The following DLGAP3 variants were observed in gnomAD, a reference collection of about 807,000 sequenced individuals.
DLGAP3 encodes disks large-associated protein 3.
Under a neutral mutation model 81.2 loss-of-function variants are expected in DLGAP3, and 17 were observed. The ratio of observed to expected loss-of-function variants is 0.21; its 90% confidence interval spans 0.14 to 0.31. DLGAP3 has a LOEUF of 0.31. Among genes scored for constraint, DLGAP3 ranks in the 10% least tolerant of loss-of-function variants. The pLI, the probability that DLGAP3 is intolerant of heterozygous loss-of-function variation, is 1.00. For missense variants in DLGAP3, 1,124 were observed against 1,388.0 expected (o/e 0.81, Z 3.02); for synonymous variants, 577 against 587.4 (o/e 0.98, Z 0.26).
intron 5 of DLGAP3, among the ~76,000 whole-genome samples, chr1:34,887,024 G>A (rs1039023981): frequency 3.6e-5 from 5 of 136,998 alleles, no homozygotes; most frequent in Middle Eastern, 4.1e-3. Flanking sequence ...GCGCGATCTC[G>A]GCTCACTGCA....
At chr1:34,905,556 C>G in intron 2 of DLGAP3, 122 bp from the exon 3 acceptor site, 2 of 719,856 alleles carry the variant, frequency 2.8e-6, no homozygotes, top group South Asian at 4.3e-5. Flanking sequence ...ATTAATCACA[C>G]TACCCTCCCA....
chr1:34,882,441 G>A (rs1557465849), intron 8 of DLGAP3, among the ~76,000 whole-genome samples: 1 of 152,078 alleles, frequency 6.6e-6, no homozygotes, highest in Non-Finnish European at 1.5e-5. Flanking sequence ...TCATGCCACT[G>A]CACTCCAGCC....
chr1:34,892,529 G>A (rs1639327622), intron 5 of DLGAP3, among the ~76,000 whole-genome samples: 1 of 151,954 alleles, frequency 6.6e-6, no homozygotes, highest in Admixed American at 6.6e-5. Context: ...TAGAGATGAG[G>A]TCTCACTATG....
intron 1 of DLGAP3, among the ~76,000 whole-genome samples, chr1:34,922,496 C>A (rs1250985669): frequency 6.6e-6 from 1 of 152,128 alleles, no homozygotes; most frequent in Non-Finnish European, 1.5e-5. Flanking sequence ...TGCTTACACT[C>A]ACACAAAGGC....
Position 34,904,552 on chromosome 1 carries a change from T to A in DLGAP3, c.832A>T (p.Arg278Trp). The change falls in exon 3 of 12, where the codon AGG becomes TGG. Residue 278 changes from arginine to tryptophan, a missense_variant. By Grantham distance (101) the Arg-to-Trp change is moderately radical. This residue lies in a region of DLGAP3 where 357 missense variants were observed against 408.8 expected (regional missense o/e 0.87). Transcript: ENST00000373347. The surrounding 1 kb of genome is among the most constrained non-coding windows in gnomAD (Gnocchi z 8.1). Reference sequence around the variant, plus strand: ...GGACCACCAGGCTCCCCAGGGGGCCTCCCACCCGCCAGGAAGCCGCTATCA... The same window carrying A: ...GGACCACCAGGCTCCCCAGGGGGCCACCCACCCGCCAGGAAGCCGCTATCA... ...DSDSGFLAGGRPPGEPGGPFC... is the reference protein window; with the variant it reads ...DSDSGFLAGGWPPGEPGGPFC... The A allele has an allele frequency of 6.2e-7, 1 of 1,614,008 alleles. No individual in the cohort carries two copies. The highest frequency in any genetic ancestry group is 8.5e-7 in the Non-Finnish European group (1 of 1,179,936).
intron 1 of DLGAP3, among the ~76,000 whole-genome samples, chr1:34,918,464 G>A (rs1206145510): frequency 6.6e-6 from 1 of 152,192 alleles, no homozygotes; most frequent in Non-Finnish European, 1.5e-5. Context: ...GATGGCAGGG[G>A]AGGACCCCTC....
rs958503993 is a variant in DLGAP3, at chr1:34,929,164, G to C, written c.-135+287C>G. On this transcript the variant is annotated intron_variant, in intron 1 of 11. Transcript: ENST00000373347. This position sits in a 1 kb window ranked among gnomAD's most constrained non-coding sequence, Gnocchi z 6.5. Reference sequence around the variant, plus strand: ...CCCAGACCCGAGCCTCCAGCCGGGCGAGGGCTGGGCCGGGGCTGGCCTGTC... The same window carrying C: ...CCCAGACCCGAGCCTCCAGCCGGGCCAGGGCTGGGCCGGGGCTGGCCTGTC... Among the ~76,000 whole-genome samples the C allele has an allele frequency of 4.0e-5, 6 of 151,884 alleles. No individual in the cohort carries two copies. The highest frequency in any genetic ancestry group is 2.0e-4 in the Admixed American group (3 of 15,272).
rs566192501 is a variant in DLGAP3 at position 34,885,222 on chromosome 1, C to T, written c.1915-159G>A. Among the ~76,000 whole-genome samples the T allele has an allele frequency of 1.2e-4, 18 of 152,304 alleles. 1 individual carries two copies. Among genetic ancestry groups the T allele is most frequent in the Admixed American group, 5.2e-4 (8 of 15,298 alleles). On this transcript the variant is annotated intron_variant, in intron 7 of 11. Transcript: ENST00000373347. ...AGAGACCCAGGCGGTCGGTCACAGG[C>T]CTCAAAGTGGCAACCACTGGGCACA... is the stretch of plus-strand genomic sequence containing the variant.
chr1:34,912,458 C>A (rs1160754678), intron 1 of DLGAP3, among the ~76,000 whole-genome samples: 1 of 152,188 alleles, frequency 6.6e-6, no homozygotes, highest in Admixed American at 6.5e-5. Context: ...ACTCCTTCCC[C>A]AGGAAGTTGT....
chr1:34,905,326 G>T lies in DLGAP3; in HGVS notation c.58C>A (p.Gln20Lys). ...GCAGGGCCCACGTCCATATGCTGTT[G>T]GTCAGCAAAGCGGGCTGGGCGGGGA... is the stretch of plus-strand genomic sequence containing the variant. The part of the protein sequence containing the change: ...SHPRPARFAD[Q>K]QHMDVGPAAR... The change falls in exon 3 of 12, where the codon CAA becomes AAA. Residue 20 changes from glutamine (Q) to lysine (K), a missense_variant. Transcript: ENST00000373347. 1 of 1,561,884 alleles carries T rather than the reference G, an allele frequency of 6.4e-7. No homozygotes were observed. The highest frequency in any genetic ancestry group is 2.4e-5 in the East Asian group (1 of 42,082).
rs1639921936 is a variant in DLGAP3, at chr1:34,929,353, G to A, written c.-135+98C>T. ...CGGGAGCCGAGCGCCGGAGCCCGGG[G>A]CGTGGGCGGCGCCGGGGCCGCAGCC... On this transcript the variant is annotated intron_variant, in intron 1 of 11. Coordinates refer to ENST00000373347, the MANE Select transcript of DLGAP3 (RefSeq NM_001080418.3). This position sits in a 1 kb window ranked among gnomAD's most constrained non-coding sequence, Gnocchi z 6.5. The A allele has an allele frequency of 6.7e-6, 1 of 148,764 alleles. No homozygotes were observed. The highest frequency in any genetic ancestry group is 1.5e-5 in the Non-Finnish European group (1 of 66,742). The allele number at this position is 148,764 out of a possible 1,614,324, so 9.2% of individuals were successfully genotyped here.
chr1:34,895,292 C>CAGGAAGCGGAGCT lies in DLGAP3; in HGVS notation c.1386+4364_1386+4376dup, dbSNP rs1639365993. The stretch of plus-strand genomic sequence containing the variant: ...CTGAGGCAGAAGAATGGCGTGAACC[C>CAGGAAGCGGAGCT]AGGAAGCGGAGCTTGCAGTGAGCCG... On this transcript the variant is annotated intron_variant, in intron 5 of 11. Coordinates refer to ENST00000373347, the MANE Select transcript of DLGAP3 (RefSeq NM_001080418.3). This position sits in a 1 kb window ranked among gnomAD's most constrained non-coding sequence, Gnocchi z 4.5. Among the ~76,000 whole-genome samples the CAGGAAGCGGAGCT allele has an allele frequency of 6.6e-6, 1 of 151,072 alleles. No homozygotes were observed. The highest frequency in any genetic ancestry group is 2.4e-5 in the African/African-American group (1 of 41,060).
intron 1 of DLGAP3, among the ~76,000 whole-genome samples, chr1:34,911,032 C>G (rs923445322): frequency 6.9e-6 from 1 of 145,174 alleles, no homozygotes; most frequent in African/African-American, 2.5e-5. Flanking sequence ...ACCCCCCCCC[C>G]ACCACCTTCC....
Position 34,885,763 on chromosome 1 carries a change from G to T in DLGAP3, c.1629C>A (p.Pro543=). 1 of 1,410,850 alleles carries T rather than the reference G, an allele frequency of 7.1e-7. No homozygotes were observed. The allele number at this position is 1,410,850 out of a possible 1,614,324, so 87.4% of individuals were successfully genotyped here. A position where few individuals can be genotyped will look rare whatever the true frequency, so the allele number is the denominator to read the frequency against. ...GCGGGGCCTGGCTTCCCGGCGGGAT[G>T]GGGGGCGGGGCCTTTCTGAAGTTGA... The part of the protein sequence containing the change: ...SSFNFRKAPP[P]IPPGSQAPPR... Residue 543 remains proline (P), a synonymous_variant, in exon 7 of 12, where the codon CCC becomes CCA. Transcript: ENST00000373347.
intron 8 of DLGAP3, among the ~76,000 whole-genome samples, chr1:34,875,601 C>G (rs1639039508): frequency 6.6e-6 from 1 of 152,090 alleles, no homozygotes; most frequent in Non-Finnish European, 1.5e-5. Context: ...CAGGCAGATC[C>G]CTATGGTTAG....
Position 34,904,925 on chromosome 1 carries a change from C to G in DLGAP3, c.459G>C (p.Ala153=). The G allele has an allele frequency of 1.2e-6, 2 of 1,612,192 alleles. No homozygotes were observed. Among genetic ancestry groups the G allele is most frequent in the South Asian group, 2.2e-5 (2 of 91,070 alleles). ...GCTCTGGGGCAGTGCCCGTCCCTGG[C>G]GCTGGCCCGGGCCCTGCCCCTGCTG... ...RGPAGAGPGP[A]PGTGTAPEPR... The change falls in exon 3 of 12, where the codon GCG becomes GCC. Residue 153 remains alanine, a synonymous_variant. Transcript: ENST00000373347. The surrounding 1 kb of genome is among the most constrained non-coding windows in gnomAD (Gnocchi z 8.1).
intron 5 of DLGAP3, among the ~76,000 whole-genome samples, chr1:34,888,434 A>G (rs183667882): frequency 6.6e-6 from 1 of 152,256 alleles, no homozygotes; most frequent in Admixed American, 6.5e-5. Flanking sequence ...TCTCTTGGGG[A>G]GCTTGTTAAA....
chr1:34,899,773 A>T lies in DLGAP3; in HGVS notation c.1314-32T>A, dbSNP rs758544302. 3.8e-6 allele frequency: 6 copies of T among 1,594,328 alleles called. No homozygotes were observed. The South Asian group carries it at 5.5e-5, about 15-fold the overall frequency. On this transcript the variant is annotated intron_variant, in intron 4 of 11. Coordinates refer to ENST00000373347, the MANE Select transcript of DLGAP3 (RefSeq NM_001080418.3). ...AAGGGCAAAATTCCGGAGTCAGAAC[A>T]GTGGACTGCTAGGAGGTGGGGGAGG...
rs749112086 is a variant in DLGAP3, at chr1:34,866,218, G to A, written c.2805C>T (p.Ser935=). 8 of 1,588,676 alleles carry A rather than the reference G, an allele frequency of 5.0e-6. No homozygotes were observed. The Admixed American group carries it at 6.9e-5, about 14-fold the overall frequency. ...GVPVKERSLD[S]VDRQRQEARK... is the part of the protein sequence containing the mutation. ...GCGCTTCCTGCCGCTGCCGGTCCAC[G>A]GAGTCCAGGGAGCGCTCCTTCACCG... Residue 935 remains serine, a synonymous_variant, in exon 12 of 12, where the codon TCC becomes TCT. Coordinates refer to ENST00000373347, the MANE Select transcript of DLGAP3 (RefSeq NM_001080418.3).
Sources: gnomAD v4.1 joint callset for allele counts (sites outside exome capture counted in the v4.1 genomes callset) on GRCh38, gnomAD v4.1.1 for gene constraint, gnomAD v4.1.1 regional missense constraint, Gnocchi (gnomAD v3.1) non-coding constraint, MANE v1.5 for transcripts, NCBI Gene and HGNC (gene_info 2026-07-23, HGNC 2026-07-21) for gene names.